ZNF423: variants seen among roughly 807,000 people sequenced by gnomAD.
ZNF423 encodes Ebf-associated zinc finger protein.
ZNF423 carries 12 observed loss-of-function variants against 95.8 expected under a neutral mutation model. That is an observed-to-expected ratio of 0.13 (90% CI 0.08 to 0.20). The LOEUF (loss-of-function observed/expected upper bound fraction) is 0.20. Among genes scored for constraint, ZNF423 ranks in the 10% least tolerant of loss-of-function variants. The pLI, the probability that ZNF423 is intolerant of heterozygous loss-of-function variation, is 1.00. For missense variants in ZNF423, 1,316 were observed against 1,737.1 expected (o/e 0.76, Z 4.31); for synonymous variants, 749 against 711.9 (o/e 1.05, Z -0.83).
At chr16:49,539,672 G>C (rs540927979) in intron 5 of ZNF423, among the ~76,000 whole-genome samples, 3 of 152,214 alleles carry the variant, frequency 2.0e-5, no homozygotes, top group Non-Finnish European at 4.4e-5. Flanking sequence ...GCAAGGTGGT[G>C]GGTGTGGGGG....
Position 49,603,828 on chromosome 16 carries a change from A to C in ZNF423, c.3601+22342T>G, listed in dbSNP as rs140814615. Among the ~76,000 whole-genome samples, 153 of 152,298 alleles carry C rather than the reference A, an allele frequency of 1.0e-3. 1 individual carries two copies. Among genetic ancestry groups the C allele is most frequent in the African/African-American group, 3.5e-3 (147 of 41,564 alleles). On this transcript the variant is annotated intron_variant, in intron 5 of 7. Coordinates refer to ENST00000563137, the MANE Select transcript of ZNF423 (RefSeq NM_001379286.1). This position sits in a 1 kb window ranked among gnomAD's most constrained non-coding sequence, Gnocchi z 4.1. Reference sequence around the variant, plus strand: ...AGAGCACCAGAGCCATGCCTGAATAATTTATACCAAAAGTAAGAAAATAGC... The same window carrying C: ...AGAGCACCAGAGCCATGCCTGAATACTTTATACCAAAAGTAAGAAAATAGC...
intron 2 of ZNF423, among the ~76,000 whole-genome samples, chr16:49,764,194 G>A (rs1442577555): frequency 6.6e-6 from 1 of 152,206 alleles, no homozygotes; most frequent in Non-Finnish European, 1.5e-5. Context: ...CCCTGCTGCG[G>A]GGAACATGAG....
At chr16:49,616,166 A>C (rs192320886) in intron 5 of ZNF423, among the ~76,000 whole-genome samples, 1 of 152,298 alleles carries the variant, frequency 6.6e-6, no homozygotes, top group African/African-American at 2.4e-5. Context: ...GTATTCAAGA[A>C]AGAAAAATAA....
intron 2 of ZNF423, among the ~76,000 whole-genome samples, chr16:49,776,793 T>C (rs1226977051): frequency 1.3e-5 from 2 of 152,112 alleles, no homozygotes; most frequent in Non-Finnish European, 2.9e-5. Flanking sequence ...ATGGAAAGAA[T>C]GTCTAGGGCC....
intron 1 of ZNF423, among the ~76,000 whole-genome samples, chr16:49,839,055 T>TC (rs1240689915): frequency 3.3e-4 from 26 of 79,616 alleles, no homozygotes; most frequent in African/African-American, 1.2e-3. Flanking sequence ...TTCCCAGCCA[T>TC]CCCCCCTCTT....
chr16:49,638,172 A>G lies in ZNF423; in HGVS notation c.1004T>C (p.Met335Thr), dbSNP rs748921253. 1 of 1,609,176 alleles carries G rather than the reference A, an allele frequency of 6.2e-7. No individual in the cohort carries two copies. Among genetic ancestry groups the G allele is most frequent in the Non-Finnish European group, 8.5e-7 (1 of 1,179,996 alleles). The change falls in exon 4 of 8, where the codon ATG becomes ACG. Residue 335 changes from methionine (M) to threonine (T), a missense_variant. By Grantham distance (81) the Met-to-Thr change is moderately conservative (BLOSUM62 -1). Around this residue, in one of 6 missense-constraint regions of ZNF423, gnomAD observed 399 missense variants for 478.5 expected, o/e 0.83. Coordinates refer to ENST00000563137, the MANE Select transcript of ZNF423 (RefSeq NM_001379286.1). This position sits in a 1 kb window ranked among gnomAD's most constrained non-coding sequence, Gnocchi z 5.6. ...AHANQKHKCPMCPEQFSSVEG... is the reference protein window; with the variant it reads ...AHANQKHKCPTCPEQFSSVEG... ...CACTGAGGAGAACTGCTCAGGGCAC[A>G]TGGGGCACTTGTGTTTCTGGTTGGC...
intron 2 of ZNF423, among the ~76,000 whole-genome samples, chr16:49,735,260 C>A (rs112937821): frequency 3.3e-5 from 5 of 152,102 alleles, no homozygotes; most frequent in African/African-American, 1.2e-4. Context: ...GGAAGATTTC[C>A]GTTAAGTCTT....
intron 5 of ZNF423, among the ~76,000 whole-genome samples, chr16:49,618,020 C>G (rs374668788): frequency 6.6e-6 from 1 of 152,256 alleles, no homozygotes; most frequent in Non-Finnish European, 1.5e-5. Flanking sequence ...CTTCCCCAGA[C>G]AGGGCCCTGC....
At chr16:49,642,628 G>C (rs1973011801) in intron 3 of ZNF423, among the ~76,000 whole-genome samples, 1 of 152,106 alleles carries the variant, frequency 6.6e-6, no homozygotes, top group Non-Finnish European at 1.5e-5. Flanking sequence ...CCTGTTTAAA[G>C]TCTTTTATTC....
chr16:49,498,246 G>A lies in ZNF423; in HGVS notation c.3850-6942C>T, dbSNP rs76556661. Among the ~76,000 whole-genome samples, 610 of 152,324 alleles carry A rather than the reference G, an allele frequency of 4.0e-3. 5 individuals carry two copies. The highest frequency in any genetic ancestry group is 0.014 in the African/African-American group (593 of 41,580). ...CTCTCATCCTCCCTATTTTACAGAT[G>A]AGAAAACTGAGGCGCAGAGAGGCCC... On this transcript the variant is annotated intron_variant, in intron 7 of 7. Transcript: ENST00000563137.
chr16:49,664,339 A>G, intron 3 of ZNF423: 2 of 965,412 alleles, frequency 2.1e-6, no homozygotes, highest in Non-Finnish European at 2.5e-6. Context: ...CTAGCGGGAG[A>G]GGAAGGGCCT....
intron 3 of ZNF423, among the ~76,000 whole-genome samples, chr16:49,654,413 G>A (rs57148286): frequency 0.073 from 11,078 of 152,226 alleles, 798 homozygotes; most frequent in East Asian, 0.27. Flanking sequence ...AGTCCAATAC[G>A]TCCTGGGGGG....
Position 49,572,478 on chromosome 16 carries a change from C to T in ZNF423, c.3602-46984G>A, listed in dbSNP as rs1209156413. Among the ~76,000 whole-genome samples the T allele has an allele frequency of 2.6e-5, 4 of 152,268 alleles. No homozygotes were observed. The East Asian group carries it at 5.8e-4, about 22-fold the overall frequency. On this transcript the variant is annotated intron_variant, in intron 5 of 7. Coordinates refer to ENST00000563137, the MANE Select transcript of ZNF423 (RefSeq NM_001379286.1). ...CAAATCACCCACTCTGGCTGCAGCA[C>T]AAATTGGAAACCAAAGGGCCGTAAC... is the stretch of plus-strand genomic sequence containing the variant.
chr16:49,549,294 G>T (rs553803610), intron 5 of ZNF423, among the ~76,000 whole-genome samples: 11 of 152,252 alleles, frequency 7.2e-5, no homozygotes, highest in Admixed American at 6.5e-4. Flanking sequence ...GCAGGCTGGG[G>T]GTCTGGGCTG....
chr16:49,692,462 G>C (rs2151947203), intron 3 of ZNF423, among the ~76,000 whole-genome samples: 1 of 152,252 alleles, frequency 6.6e-6, no homozygotes, highest in Middle Eastern at 3.4e-3. Flanking sequence ...AAACTGACGT[G>C]GGACGAGGGA....
chr16:49,816,075 C>T (rs1028450209), intron 1 of ZNF423, among the ~76,000 whole-genome samples: 3 of 151,230 alleles, frequency 2.0e-5, no homozygotes, highest in South Asian at 2.1e-4. Context: ...CCCGCCACTA[C>T]GCCGGGCTAA....
Position 49,637,926 on chromosome 16 carries a change from T to A in ZNF423, c.1250A>T (p.Tyr417Phe). Residue 417 changes from tyrosine to phenylalanine, a missense_variant, in exon 4 of 8, where the codon TAT becomes TTT. Coordinates refer to ENST00000563137, the MANE Select transcript of ZNF423 (RefSeq NM_001379286.1). This position sits in a 1 kb window ranked among gnomAD's most constrained non-coding sequence, Gnocchi z 5.6. ...DDGQGWTKVVYSCPYCSKRDF... is the reference protein window; with the variant it reads ...DDGQGWTKVVFSCPYCSKRDF... ...CCGCTTGGAACAATAGGGGCAGCTATAGACCACCTTGGTCCAGCCCTGCCC... is the reference window on the plus strand; with the variant it reads ...CCGCTTGGAACAATAGGGGCAGCTAAAGACCACCTTGGTCCAGCCCTGCCC... 6.2e-7 allele frequency: 1 copy of A among 1,614,142 alleles called. No homozygotes were observed. Among genetic ancestry groups the A allele is most frequent in the Non-Finnish European group, 8.5e-7 (1 of 1,180,036 alleles).
At chr16:49,700,153 T>C (rs1397493361) in intron 3 of ZNF423, among the ~76,000 whole-genome samples, 1 of 143,462 alleles carries the variant, frequency 7.0e-6, no homozygotes, top group African/African-American at 2.6e-5. Flanking sequence ...CAGATTCTAT[T>C]TCATCGCTTT....
At chr16:49,571,700 T>C (rs1191284105) in intron 5 of ZNF423, among the ~76,000 whole-genome samples, 2 of 152,016 alleles carry the variant, frequency 1.3e-5, no homozygotes, top group Non-Finnish European at 2.9e-5. Flanking sequence ...GTTGGGAGCG[T>C]AGAATAGACC....
Sources: gnomAD v4.1 joint callset for allele counts (sites outside exome capture counted in the v4.1 genomes callset) on GRCh38, gnomAD v4.1.1 for gene constraint, gnomAD v4.1.1 regional missense constraint, Gnocchi (gnomAD v3.1) non-coding constraint, MANE v1.5 for transcripts, NCBI Gene and HGNC (gene_info 2026-07-23, HGNC 2026-07-21) for gene names.